Variants in MGA observed in about 807,000 individuals in gnomAD.
MGA encodes the protein MAX gene-associated protein.
MGA carries 40 observed loss-of-function variants against 261.1 expected under a neutral mutation model. That is an observed-to-expected ratio of 0.15 (90% CI 0.12 to 0.20). The LOEUF (loss-of-function observed/expected upper bound fraction) is 0.20. MGA is among the 10% of genes least tolerant of loss of function. The pLI is 1.00. For synonymous variants in MGA, 1,302 were observed against 1,290.6 expected, an observed-to-expected ratio of 1.01 and a Z score of -0.19; for missense variants, 3,397 against 3,630.5, an observed-to-expected ratio of 0.94 and a Z score of 1.65.
upstream of MGA, among the ~76,000 whole-genome samples, chr15:41,656,235 G>A (rs2057166596): frequency 6.6e-6 from 1 of 151,976 alleles, no homozygotes; most frequent in African/African-American, 2.4e-5. Flanking sequence ...TAGGCTGGAG[G>A]CATCTGGGGC....
At position 41,765,012 on chromosome 15, in the gene MGA, T is replaced by C. The variant is rs752864047; in HGVS notation, c.7871T>C (p.Leu2624Ser). 13 of 1,613,938 alleles carry C rather than the reference T, an allele frequency of 8.1e-6. No individual in the cohort carries two copies. Among genetic ancestry groups the C allele is most frequent in the South Asian group, 5.5e-5 (5 of 91,088 alleles). The change falls in exon 23 of 24, where the codon TTA (leucine) becomes TCA (serine). Residue 2624 changes from leucine to serine, a missense_variant. Coordinates refer to ENST00000219905, the MANE Select transcript of MGA (RefSeq NM_001164273.2). ...GTGGTAGCTGTTTCTCCTGATCTCT[T>C]AGAATCTGATCTTAAGCCTCAAGTT... is the stretch of plus-strand genomic sequence containing the variant.
chr15:41,719,326 A>G (rs919962554), intron 9 of MGA, among the ~76,000 whole-genome samples: 1 of 152,222 alleles, frequency 6.6e-6, no homozygotes, highest in African/African-American at 2.4e-5. Context: ...AAATTGGCCT[A>G]TAGATCTGCT....
At chr15:41,691,004 T>G (rs1322706945) in intron 2 of MGA, among the ~76,000 whole-genome samples, 1 of 151,328 alleles carries the variant, frequency 6.6e-6, no homozygotes, top group East Asian at 1.9e-4. Flanking sequence ...GTTTTTTTTT[T>G]TTTTTTTTGG....
rs779115860 is a variant in MGA, at chr15:41,711,009, A to T, written c.2744A>T (p.Tyr915Phe). ...TTCAGTGGCCGAACTAAATCATCTT[A>T]TAAATCCATTTTACCATACCCTGTT... Residue 915 changes from tyrosine to phenylalanine, a missense_variant, in exon 8 of 24, where the codon TAT becomes TTT. This residue lies in a region of MGA where 519 missense variants were observed against 554.1 expected (regional missense o/e 0.94). Transcript: ENST00000219905. 1 of 1,614,046 alleles carries T rather than the reference A, an allele frequency of 6.2e-7. No individual in the cohort carries two copies. Among genetic ancestry groups the T allele is most frequent in the Admixed American group, 1.7e-5 (1 of 60,032 alleles).
chr15:41,718,362 TAAG>T, intron 9 of MGA: 2 of 632,302 alleles, frequency 3.2e-6, no homozygotes, highest in South Asian at 6.3e-5. Flanking sequence ...GTTAGGTTCT[TAAG>T]AAGTTTAAAA....
In MGA at chr15:41,711,307, A is replaced by C; in HGVS notation, c.3042A>C (p.Glu1014Asp). 6.2e-7 allele frequency: 1 copy of C among 1,613,406 alleles called. No individual in the cohort carries two copies. ...GAAAACCAAGGACATACATCACAGA[A>C]GAGCGAGCAGATGTATCCTTAACAA... Residue 1014 changes from glutamate to aspartate, a missense_variant, in exon 8 of 24, where the codon GAA becomes GAC. By Grantham distance (45) the Glu-to-Asp change is conservative. Coordinates refer to ENST00000219905, the MANE Select transcript of MGA (RefSeq NM_001164273.2).
intron 1 of MGA, among the ~76,000 whole-genome samples, chr15:41,654,583 T>C (rs1432892864): frequency 1.3e-5 from 2 of 152,226 alleles, no homozygotes; most frequent in Admixed American, 6.5e-5. Flanking sequence ...TTCTTTCATA[T>C]GCATTTGTAA....
Position 41,754,871 on chromosome 15 carries a change from C to A in MGA, c.7139+304C>A, listed in dbSNP as rs1211924160. Among the ~76,000 whole-genome samples the A allele has an allele frequency of 3.9e-5, 6 of 152,108 alleles. No homozygotes were observed. The East Asian group carries it at 1.2e-3, about 29-fold the overall frequency. On this transcript the variant is annotated intron_variant, in intron 18 of 23. Transcript: ENST00000219905. ...TGGGCAAATCTTTAATCTCTCTGAA[C>A]CTCAGATTCTTTACCTATGAAATGA...
Position 41,622,291 on chromosome 15 carries a change from T to G in MGA, c.-68+993T>G, listed in dbSNP as rs369780895. ...TTCTCATTCAGCTCGGTAGAGGAGA[T>G]CACCTTTTAAGGTCCCTCATACGGC... On this transcript the variant is annotated intron_variant, in intron 1 of 8. Transcript: ENST00000566718. Among the ~76,000 whole-genome samples, 9 of 152,266 alleles carry G rather than the reference T, an allele frequency of 5.9e-5. No homozygotes were observed. The East Asian group carries it at 1.4e-3, about 23-fold the overall frequency.
chr15:41,663,877 C>T (rs1301298121), intron 1 of MGA, among the ~76,000 whole-genome samples: 1 of 151,994 alleles, frequency 6.6e-6, no homozygotes, highest in Admixed American at 6.5e-5. Context: ...ATTGACTGCC[C>T]TTTGATTAGA....
intron 1 of MGA, among the ~76,000 whole-genome samples, chr15:41,665,858 A>G (rs1254256153): frequency 6.6e-6 from 1 of 152,188 alleles, no homozygotes; most frequent in East Asian, 1.9e-4. Flanking sequence ...AAATGGAATC[A>G]TACAATATAT....
chr15:41,740,103 G>T lies in MGA; in HGVS notation c.4485G>T (p.Leu1495Phe). 1 of 1,613,994 alleles carries T rather than the reference G, an allele frequency of 6.2e-7. No individual in the cohort carries two copies. Among genetic ancestry groups the T allele is most frequent in the African/African-American group, 1.3e-5 (1 of 75,046 alleles). ...CATCCAGGAAACCACGTACCCTGTT[G>T]CCTTCAACATCCAATTCCAAAATGG... is the stretch of plus-strand genomic sequence containing the variant. The change falls in exon 14 of 24, where the codon TTG (leucine) becomes TTT (phenylalanine). Residue 1495 changes from leucine (L) to phenylalanine (F), a missense_variant. Physicochemically the swap from Leu to Phe is conservative, Grantham distance 22. Coordinates refer to ENST00000219905, the MANE Select transcript of MGA (RefSeq NM_001164273.2).
At chr15:41,713,087 C>T (rs2060466579) in intron 8 of MGA, 64 bp from the exon 9 acceptor site, 1 of 1,568,662 alleles carries the variant, frequency 6.4e-7, no homozygotes, top group Middle Eastern at 1.7e-4. Context: ...AGTATATGAC[C>T]ATAAGTTGGT....
In MGA at chr15:41,702,322, C is replaced by CA. The variant is rs10713634; in HGVS notation, c.2188+3179dup. Among the ~76,000 whole-genome samples the CA allele has an allele frequency of 1.4e-3, 180 of 127,610 alleles. 3 individuals carry two copies. Among genetic ancestry groups the CA allele is most frequent in the East Asian group, 7.7e-3 (35 of 4,540 alleles). 83.7% of individuals were successfully genotyped at this position (127,610 alleles called of 152,430 possible). A position where few individuals can be genotyped will look rare whatever the true frequency, so the allele number is the denominator to read the frequency against. On this transcript the variant is annotated intron_variant, in intron 5 of 23. Coordinates refer to ENST00000219905, the MANE Select transcript of MGA (RefSeq NM_001164273.2). ...TGGGCGACACAGTGAGACATTGTCT[C>CA]AAAAAAAAAAAAAAAAGCTGGACTT...
Position 41,716,327 on chromosome 15 carries a change from AC to A in MGA, c.3430+2833del, listed in dbSNP as rs558691533. ...AAATTAGCCAGGCGTGGTGGCGGGC[AC>A]CTGTAGTCCCAGCTACTCCGGAGGC... On this transcript the variant is annotated intron_variant, in intron 9 of 23. Transcript: ENST00000219905. Among the ~76,000 whole-genome samples, 592 of 151,090 alleles carry A rather than the reference AC, an allele frequency of 3.9e-3. 4 individuals are homozygous for A. Among genetic ancestry groups the A allele is most frequent in the Middle Eastern group, 6.9e-3 (2 of 290 alleles).
intron 2 of MGA, among the ~76,000 whole-genome samples, chr15:41,684,128 C>T (rs368757631): frequency 2.0e-5 from 3 of 152,092 alleles, no homozygotes; most frequent in East Asian, 1.9e-4. Context: ...CTGCACTGGC[C>T]TGTAAATTCC....
In MGA at chr15:41,736,376, G is replaced by A. The variant is rs1459724520; in HGVS notation, c.4112G>A (p.Ser1371Asn). The change falls in exon 13 of 24, where the codon AGC becomes AAC. Residue 1371 changes from serine (S) to asparagine (N), a missense_variant. By Grantham distance (46) the Ser-to-Asn change is conservative (BLOSUM62 1). This residue lies in a region of MGA where 1,410 missense variants were observed against 1,386.4 expected (regional missense o/e 1.02). Transcript: ENST00000219905. ...ATGCCACAATCACTTAAGGTGGGCA[G>A]CTTCATCATTGAGTTGGCTTCTCAG... The A allele has an allele frequency of 1.2e-6, 2 of 1,613,972 alleles. No individual in the cohort carries two copies. The highest frequency in any genetic ancestry group is 1.7e-6 in the Non-Finnish European group (2 of 1,179,880).
At position 41,743,012 on chromosome 15, in the gene MGA, A is replaced by G. The variant is rs778299226; in HGVS notation, c.5052A>G (p.Ser1684=). ...CTAAGTCTTTGGTAGCATCTCCTTC[A>G]ACCATAACTCTTCCTGTTGCTTCCA... is the stretch of plus-strand genomic sequence containing the variant. The change falls in exon 15 of 24, where the codon TCA becomes TCG. Residue 1684 remains serine, a synonymous_variant. Coordinates refer to ENST00000219905, the MANE Select transcript of MGA (RefSeq NM_001164273.2). The G allele has an allele frequency of 6.2e-7, 1 of 1,613,908 alleles. No homozygotes were observed. The highest frequency in any genetic ancestry group is 8.5e-7 in the Non-Finnish European group (1 of 1,179,884).
chr15:41,630,818 A>C (rs2150546817), intron 1 of MGA, among the ~76,000 whole-genome samples: 1 of 152,310 alleles, frequency 6.6e-6, no homozygotes, highest in African/African-American at 2.4e-5. Context: ...AACCTAATGT[A>C]ATAAATCCAG....
Sources: allele counts gnomAD v4.1 joint callset (sites outside exome capture counted in the v4.1 genomes callset), GRCh38; gene constraint gnomAD v4.1.1; regional missense constraint gnomAD v4.1.1; transcripts MANE v1.5; gene names NCBI Gene and HGNC (gene_info 2026-07-23, HGNC 2026-07-21).